Variants in SPECC1L observed in about 807,000 individuals in gnomAD.
SPECC1L encodes sperm antigen with calponin homology and coiled-coil domains 1 like.
In SPECC1L, 40 loss-of-function variants were observed where a neutral mutation model predicts 116.8. That is an observed-to-expected ratio of 0.34 (90% CI 0.27 to 0.45). SPECC1L has a LOEUF of 0.45. Among genes scored for constraint, SPECC1L ranks in the 20% least tolerant of loss-of-function variants. The pLI, the probability that SPECC1L is intolerant of heterozygous loss-of-function variation, is 1.00. For missense variants in SPECC1L, 1,110 were observed against 1,373.6 expected (o/e 0.81, Z 3.03); for synonymous variants, 504 against 500.6 (o/e 1.01, Z -0.09).
At chr22:24,369,364 C>A in intron 14 of SPECC1L, 44 bp downstream of exon 14, 3 of 1,412,400 alleles carry the variant, frequency 2.1e-6, no homozygotes, top group Non-Finnish European at 3.0e-6. Flanking sequence ...ATTGGCAAAC[C>A]AACTGCTGGA....
At chr22:24,337,938 A>T (rs1229488459) in intron 9 of SPECC1L, among the ~76,000 whole-genome samples, 1 of 152,194 alleles carries the variant, frequency 6.6e-6, no homozygotes, top group Non-Finnish European at 1.5e-5. Context: ...TGGACTCTGC[A>T]GGAGGAATTG....
chr22:24,290,550 G>C (rs2146365410), intron 2 of SPECC1L, among the ~76,000 whole-genome samples: 1 of 152,328 alleles, frequency 6.6e-6, no homozygotes, highest in Non-Finnish European at 1.5e-5. Context: ...AGTTTTTTGA[G>C]CAGTACTGGA....
chr22:24,373,753 A>G (rs2146665344), intron 14 of SPECC1L, among the ~76,000 whole-genome samples: 1 of 152,344 alleles, frequency 6.6e-6, no homozygotes, highest in Admixed American at 6.5e-5. Flanking sequence ...AGCAATGGCA[A>G]CAAAAGCGAA....
At chr22:24,382,150 T>C (rs112964994) in intron 14 of SPECC1L, among the ~76,000 whole-genome samples, 2,806 of 152,266 alleles carry the variant, frequency 0.018, 49 homozygotes, top group Middle Eastern at 0.048. Context: ...TTTGAAGGCA[T>C]TGGGGACTAA....
At position 24,321,856 on chromosome 22, in the gene SPECC1L, G is replaced by T. The variant is rs545672027; in HGVS notation, c.876G>T (p.Gln292His). 13 of 1,614,216 alleles carry T rather than the reference G, an allele frequency of 8.1e-6. No individual in the cohort carries two copies. The African/African-American group carries it at 1.6e-4, about 20-fold the overall frequency. ...ATTCTGAAAAACTGTTTGGCTATCAGTCCCTGAGCCCAGAAATCACCCCTG... is the reference window on the plus strand; with the variant it reads ...ATTCTGAAAAACTGTTTGGCTATCATTCCCTGAGCCCAGAAATCACCCCTG... ...LDNSEKLFGYQSLSPEITPGN... is the reference protein window; with the variant it reads ...LDNSEKLFGYHSLSPEITPGN... The change falls in exon 5 of 17, where the codon CAG (glutamine) becomes CAT (histidine). Residue 292 changes from glutamine to histidine, a missense_variant. Physicochemically the swap from Gln to His is conservative, Grantham distance 24. Coordinates refer to ENST00000314328, the MANE Select transcript of SPECC1L (RefSeq NM_015330.6).
chr22:24,333,545 A>G (rs553082036), intron 8 of SPECC1L, among the ~76,000 whole-genome samples: 79 of 151,084 alleles, frequency 5.2e-4, no homozygotes, highest in African/African-American at 1.6e-3. Context: ...CATGTTACTA[A>G]TATGGGTCTA....
At chr22:24,315,768 CCACAG>C (rs1187285061) in intron 4 of SPECC1L, among the ~76,000 whole-genome samples, 2 of 152,190 alleles carry the variant, frequency 1.3e-5, no homozygotes, top group East Asian at 1.9e-4. Context: ...ATGGCTTAAG[CCACAG>C]AAATTTATTT....
chr22:24,337,526 A>T (rs2041085326), intron 9 of SPECC1L, among the ~76,000 whole-genome samples: 2 of 152,224 alleles, frequency 1.3e-5, no homozygotes, highest in African/African-American at 4.8e-5. Flanking sequence ...AATATTTTGA[A>T]TGCACTAAAT....
chr22:24,346,635 C>T (rs776277080), intron 10 of SPECC1L, among the ~76,000 whole-genome samples: 5 of 151,884 alleles, frequency 3.3e-5, no homozygotes, highest in Admixed American at 6.6e-5. Flanking sequence ...GGGTTGGGGA[C>T]GGGAAGAGGG....
chr22:24,412,451 G>A, intron 15 of SPECC1L, 197 bp from the exon 16 acceptor site: 1 of 657,490 alleles, frequency 1.5e-6, no homozygotes. Context: ...CAGCAGGTCA[G>A]GAGGGGAGGG....
chr22:24,411,355 G>A (rs528369803), intron 14 of SPECC1L, among the ~76,000 whole-genome samples: 11 of 151,734 alleles, frequency 7.2e-5, no homozygotes, highest in African/African-American at 1.4e-4. Flanking sequence ...AAGACGCCAC[G>A]TGTTATACCA....
At chr22:24,367,546 C>T (rs1359593661) in intron 13 of SPECC1L, among the ~76,000 whole-genome samples, 1 of 152,030 alleles carries the variant, frequency 6.6e-6, no homozygotes, top group Non-Finnish European at 1.5e-5. Context: ...GATTGGACGT[C>T]CCTGCTTTAT....
chr22:24,379,764 G>C (rs1194335932), intron 14 of SPECC1L, among the ~76,000 whole-genome samples: 1 of 152,172 alleles, frequency 6.6e-6, no homozygotes, highest in Non-Finnish European at 1.5e-5. Context: ...TTTCCTGTGA[G>C]ACAGATATCT....
intron 2 of SPECC1L, among the ~76,000 whole-genome samples, chr22:24,298,234 T>C (rs1039735507): frequency 3.9e-5 from 6 of 152,202 alleles, no homozygotes; most frequent in Non-Finnish European, 8.8e-5. Context: ...TAAGATAGGC[T>C]AGGCTAAGCT....
At chr22:24,379,430 C>T (rs2042023991) in intron 14 of SPECC1L, among the ~76,000 whole-genome samples, 1 of 151,922 alleles carries the variant, frequency 6.6e-6, no homozygotes, top group African/African-American at 2.4e-5. Context: ...TAGAACTTTC[C>T]CATGTATCAG....
chr22:24,307,226 C>T (rs1233579008), intron 3 of SPECC1L, among the ~76,000 whole-genome samples: 1 of 152,178 alleles, frequency 6.6e-6, no homozygotes, highest in Non-Finnish European at 1.5e-5. Context: ...TAAGGAACTG[C>T]CTATTGTTTC....
intron 2 of SPECC1L, among the ~76,000 whole-genome samples, chr22:24,286,103 T>G (rs1177025306): frequency 2.0e-5 from 3 of 152,164 alleles, no homozygotes; most frequent in African/African-American, 7.2e-5. Flanking sequence ...CTTTGGTGAT[T>G]TTTTGGTGAT....
At chr22:24,303,049 C>G (rs1191985862) in intron 3 of SPECC1L, among the ~76,000 whole-genome samples, 1 of 152,028 alleles carries the variant, frequency 6.6e-6, no homozygotes, top group Non-Finnish European at 1.5e-5. Flanking sequence ...AGGCTGGTCT[C>G]CTGGGTTCAG....
chr22:24,313,591 T>C, intron 4 of SPECC1L, 125 bp downstream of exon 4: 2 of 1,126,678 alleles, frequency 1.8e-6, no homozygotes, highest in Non-Finnish European at 2.6e-6. Flanking sequence ...GATGGATTGA[T>C]ATTTCAGCCC....
Sources: gnomAD v4.1 joint callset for allele counts (sites outside exome capture counted in the v4.1 genomes callset) on GRCh38, gnomAD v4.1.1 for gene constraint, MANE v1.5 for transcripts, NCBI Gene and HGNC (gene_info 2026-07-23, HGNC 2026-07-21) for gene names.